The following ASAP2 variants were observed in gnomAD, a reference collection of about 807,000 sequenced individuals.
ASAP2 encodes arf-GAP with SH3 domain, ANK repeat and PH domain-containing protein 2.
ASAP2 carries 45 observed loss-of-function variants against 131.4 expected under a neutral mutation model. The observed-to-expected ratio is 0.34, with a 90% confidence interval of 0.27 to 0.44. The LOEUF (loss-of-function observed/expected upper bound fraction) is 0.44. ASAP2 is among the 20% of genes least tolerant of loss of function. The pLI, the probability that ASAP2 is intolerant of heterozygous loss-of-function variation, is 1.00. For synonymous variants in ASAP2, 510 were observed against 503.0 expected (o/e 1.01, Z -0.19); for missense variants, 1,011 against 1,297.0 (o/e 0.78, Z 3.39).
intron 14 of ASAP2, among the ~76,000 whole-genome samples, chr2:9,357,560 C>A (rs1672803377): frequency 6.6e-6 from 1 of 152,116 alleles, no homozygotes; most frequent in Admixed American, 6.5e-5. Context: ...CATGGTCTTT[C>A]TTGAGAAAGG....
chr2:9,324,572 C>G (rs745858280), intron 6 of ASAP2, among the ~76,000 whole-genome samples: 2 of 152,148 alleles, frequency 1.3e-5, no homozygotes, highest in Non-Finnish European at 2.9e-5. Context: ...TCACAAGAGA[C>G]AGCCAAACTG....
chr2:9,296,966 G>C (rs1009490810), intron 2 of ASAP2, among the ~76,000 whole-genome samples: 6 of 152,228 alleles, frequency 3.9e-5, no homozygotes, highest in African/African-American at 1.2e-4. Flanking sequence ...AGGGGGCTGA[G>C]TCTGGTGAGT....
chr2:9,357,769 G>GT (rs1367913407), intron 14 of ASAP2, among the ~76,000 whole-genome samples: 1 of 152,114 alleles, frequency 6.6e-6, no homozygotes, highest in Non-Finnish European at 1.5e-5. Context: ...CGCCAAGAAG[G>GT]TTTTCCAACA....
At chr2:9,375,040 G>GCCT in intron 17 of ASAP2, 96 bp downstream of exon 17, 1 of 1,158,210 alleles carries the variant, frequency 8.6e-7, no homozygotes, top group Non-Finnish European at 1.2e-6. Flanking sequence ...GGAGGCCAAG[G>GCCT]CGGAGGATCC....
At chr2:9,316,873 T>A (rs1253776792) in intron 3 of ASAP2, among the ~76,000 whole-genome samples, 1 of 151,682 alleles carries the variant, frequency 6.6e-6, no homozygotes, top group Non-Finnish European at 1.5e-5. Flanking sequence ...CTCTTGCCCT[T>A]CCTGTTCCCT....
chr2:9,288,021 A>G (rs752682870), intron 2 of ASAP2, among the ~76,000 whole-genome samples: 7 of 152,140 alleles, frequency 4.6e-5, no homozygotes, highest in Non-Finnish European at 8.8e-5. Flanking sequence ...ATGCATCTGT[A>G]AGACATGGGG....
At chr2:9,308,199 G>A (rs1669071927) in intron 3 of ASAP2, among the ~76,000 whole-genome samples, 1 of 152,206 alleles carries the variant, frequency 6.6e-6, no homozygotes, top group African/African-American at 2.4e-5. Flanking sequence ...AGGAAGCATG[G>A]CAGCATCTGC....
chr2:9,281,895 C>G lies in ASAP2; in HGVS notation c.199+2506C>G, dbSNP rs1044199056. 2.0e-5 allele frequency among the ~76,000 whole-genome samples: 3 copies of G among 152,188 alleles called. No individual in the cohort carries two copies. The highest frequency in any genetic ancestry group is 7.2e-5 in the African/African-American group (3 of 41,434). The stretch of plus-strand genomic sequence containing the variant: ...TGAGTTCCGAGCTCTTGTGCATTGC[C>G]TGGACTCAGGCCACCTGTCCCGACC... On this transcript the variant is annotated intron_variant, in intron 2 of 27. Transcript: ENST00000281419. The surrounding 1 kb of genome is among the most constrained non-coding windows in gnomAD (Gnocchi z 4.0).
At chr2:9,327,280 CCT>C (rs1303167124) in intron 6 of ASAP2, among the ~76,000 whole-genome samples, 1 of 152,160 alleles carries the variant, frequency 6.6e-6, no homozygotes, top group Non-Finnish European at 1.5e-5. Context: ...TTTGTAGCTC[CCT>C]GAGGCTTTCT....
intron 9 of ASAP2, 113 bp downstream of exon 9, chr2:9,335,292 G>C: frequency 1.2e-6 from 1 of 841,950 alleles, no homozygotes; most frequent in African/African-American, 1.7e-5. Context: ...CTCGGGCTGT[G>C]TCAGGCACCA....
intron 17 of ASAP2, 24 bp downstream of exon 17, chr2:9,374,968 T>G: frequency 6.6e-7 from 1 of 1,512,630 alleles, no homozygotes; most frequent in Non-Finnish European, 8.8e-7. Context: ...TTGTTGCTAC[T>G]TTAAAAAAAA....
intron 6 of ASAP2, among the ~76,000 whole-genome samples, chr2:9,326,378 T>A (rs1670476513): frequency 6.6e-6 from 1 of 152,222 alleles, no homozygotes; most frequent in African/African-American, 2.4e-5. Flanking sequence ...AGGCTTTTAT[T>A]TTAAAGCTAT....
chr2:9,392,158 C>T lies in ASAP2; in HGVS notation c.2518+962C>T, dbSNP rs1193526417. ...GTGTGGGCCACCACGCCCAGCCTGG[C>T]ATGTTTTCTTTAATATCAACATGTG... On this transcript the variant is annotated intron_variant, in intron 23 of 27. Transcript: ENST00000281419. This position sits in a 1 kb window ranked among gnomAD's most constrained non-coding sequence, Gnocchi z 4.0. Among the ~76,000 whole-genome samples the T allele has an allele frequency of 6.6e-6, 1 of 152,200 alleles. No homozygotes were observed. The highest frequency in any genetic ancestry group is 1.5e-5 in the Non-Finnish European group (1 of 68,038).
chr2:9,297,869 T>C (rs1183759184), intron 3 of ASAP2, among the ~76,000 whole-genome samples: 1 of 152,100 alleles, frequency 6.6e-6, no homozygotes, highest in African/African-American at 2.4e-5. Flanking sequence ...GAAATTACCA[T>C]GAATATTTAA....
chr2:9,377,144 G>A (rs1226144601), intron 18 of ASAP2, 151 bp downstream of exon 18: 13 of 680,950 alleles, frequency 1.9e-5, no homozygotes, highest in Admixed American at 8.8e-5. Flanking sequence ...ACTGCCAGGT[G>A]TGAGGTACTC....
At chr2:9,317,617 A>G (rs575378899) in intron 3 of ASAP2, among the ~76,000 whole-genome samples, 7 of 145,268 alleles carry the variant, frequency 4.8e-5, no homozygotes, top group Admixed American at 6.8e-5. Context: ...CACATCCACA[A>G]TCACACCCAC....
intron 18 of ASAP2, 92 bp downstream of exon 18, chr2:9,377,085 GT>G: frequency 8.7e-7 from 1 of 1,148,510 alleles, no homozygotes; most frequent in Non-Finnish European, 1.3e-6. Flanking sequence ...CTGATGTGTT[GT>G]CAGGAGAACC....
intron 1 of ASAP2, among the ~76,000 whole-genome samples, chr2:9,231,077 C>T (rs976994717): frequency 2.0e-4 from 30 of 152,300 alleles, no homozygotes; most frequent in Middle Eastern, 3.4e-3. Context: ...CCCCAGGCCA[C>T]TTCCTTCCTT....
Position 9,370,838 on chromosome 2 carries a change from A to G in ASAP2, c.1556+2319A>G, listed in dbSNP as rs186115273. On this transcript the variant is annotated intron_variant, in intron 16 of 27. Coordinates refer to ENST00000281419, the MANE Select transcript of ASAP2 (RefSeq NM_003887.3). ...AAGGTGAAGGAGCTCTTCCTGGGCG[A>G]GCCTGAGGGTCCCGCTTGGTGAAGG... Among the ~76,000 whole-genome samples the G allele has an allele frequency of 3.3e-5, 5 of 152,258 alleles. No individual in the cohort carries two copies. In the East Asian group the frequency reaches 9.6e-4, roughly 29 times the overall value.
Sources: allele counts gnomAD v4.1 joint callset (sites outside exome capture counted in the v4.1 genomes callset), GRCh38; gene constraint gnomAD v4.1.1; non-coding constraint Gnocchi (gnomAD v3.1); transcripts MANE v1.5; gene names NCBI Gene and HGNC (gene_info 2026-07-23, HGNC 2026-07-21).